The following UBAC2 variants were observed in gnomAD, a reference collection of about 807,000 sequenced individuals.
The protein encoded by UBAC2 is UBA domain containing 2, also known as ubiquitin-associated domain-containing protein 2.
UBAC2 carries 26 observed loss-of-function variants against 44.0 expected under a neutral mutation model. That is an observed-to-expected ratio of 0.59 (90% CI 0.43 to 0.82). UBAC2 has a LOEUF of 0.82. UBAC2 is among the 40% of genes least tolerant of loss of function. The pLI is 0.00. For missense variants in UBAC2, 329 were observed against 419.4 expected, an observed-to-expected ratio of 0.78 and a Z score of 1.88; for synonymous variants, 155 against 154.3, an observed-to-expected ratio of 1.00 and a Z score of -0.04.
At chr13:99,329,011 A>G (rs1242212497) in intron 6 of UBAC2, among the ~76,000 whole-genome samples, 1 of 152,214 alleles carries the variant, frequency 6.6e-6, no homozygotes, top group East Asian at 1.9e-4. Context: ...GGTAAGATTT[A>G]TTCTTTTCCA....
Position 99,363,768 on chromosome 13 carries a change from A to G in UBAC2, c.808-4019A>G, listed in dbSNP as rs16956475. 8.9e-3 allele frequency among the ~76,000 whole-genome samples: 1,354 copies of G among 152,332 alleles called. 15 individuals carry two copies. Among genetic ancestry groups the G allele is most frequent in the African/African-American group, 0.031 (1,282 of 41,554 alleles). On this transcript the variant is annotated intron_variant, in intron 7 of 8. Transcript: ENST00000403766. Reference sequence around the variant, plus strand: ...AAAACTGTTTTTTCCAAAGGGGGAAAATGGATATTGGAAGTGAACCAGCAG... The same window carrying G: ...AAAACTGTTTTTTCCAAAGGGGGAAGATGGATATTGGAAGTGAACCAGCAG...
intron 4 of UBAC2, among the ~76,000 whole-genome samples, chr13:99,275,168 G>C (rs1310793623): frequency 6.6e-6 from 1 of 152,214 alleles, no homozygotes; most frequent in African/African-American, 2.4e-5. Context: ...TTTAAGAGCA[G>C]TTTAGCTGGG....
At chr13:99,343,391 G>A (rs918536761) in intron 7 of UBAC2, among the ~76,000 whole-genome samples, 11 of 151,934 alleles carry the variant, frequency 7.2e-5, no homozygotes, top group African/African-American at 2.4e-4. Context: ...CAGATACTTG[G>A]AACATCACGG....
At chr13:99,344,744 TGCTC>T (rs2044946596) in intron 7 of UBAC2, among the ~76,000 whole-genome samples, 1 of 152,342 alleles carries the variant, frequency 6.6e-6, no homozygotes, top group South Asian at 2.1e-4. Context: ...ATCTGGCAGG[TGCTC>T]GCTGCCACCC....
At chr13:99,234,371 G>C (rs1483976004) in intron 1 of UBAC2, 1 of 304,022 alleles carries the variant, frequency 3.3e-6, no homozygotes, top group African/African-American at 2.3e-5. Flanking sequence ...TGTATTTTTA[G>C]TAGAGATGGG....
intron 7 of UBAC2, among the ~76,000 whole-genome samples, chr13:99,343,419 C>G (rs908498717): frequency 6.6e-5 from 10 of 152,184 alleles, no homozygotes; most frequent in Non-Finnish European, 1.0e-4. Flanking sequence ...CAGGTTGTAC[C>G]CAGGCCTCAG....
At chr13:99,278,467 G>C (rs1247478159) in intron 4 of UBAC2, among the ~76,000 whole-genome samples, 2 of 152,092 alleles carry the variant, frequency 1.3e-5, no homozygotes, top group Non-Finnish European at 2.9e-5. Flanking sequence ...GGTATTGTGG[G>C]CAAAGTTAGC....
intron 7 of UBAC2, among the ~76,000 whole-genome samples, chr13:99,360,381 C>T (rs1048877435): frequency 1.3e-5 from 2 of 152,194 alleles, no homozygotes; most frequent in Non-Finnish European, 2.9e-5. Flanking sequence ...GATTCTCATA[C>T]TCTCCATGTG....
chr13:99,306,269 G>T (rs1415797218), intron 4 of UBAC2, among the ~76,000 whole-genome samples: 1 of 152,160 alleles, frequency 6.6e-6, no homozygotes, highest in Non-Finnish European at 1.5e-5. Context: ...AGTGGCCAGA[G>T]AGATGGGAGA....
chr13:99,272,885 C>T (rs1249314441), intron 4 of UBAC2, among the ~76,000 whole-genome samples: 2 of 151,936 alleles, frequency 1.3e-5, no homozygotes, highest in African/African-American at 2.4e-5. Flanking sequence ...CATTGTGAGT[C>T]TGTGTGTGTA....
intron 5 of UBAC2, among the ~76,000 whole-genome samples, chr13:99,315,166 T>TTA (rs1197779134): frequency 6.6e-6 from 1 of 152,208 alleles, no homozygotes; most frequent in Non-Finnish European, 1.5e-5. Context: ...TGAAATCTTT[T>TTA]TATTCTCCAT....
At chr13:99,224,235 C>T (rs955986132) in intron 1 of UBAC2, among the ~76,000 whole-genome samples, 2 of 152,122 alleles carry the variant, frequency 1.3e-5, no homozygotes, top group Non-Finnish European at 2.9e-5. Flanking sequence ...TTTGTGTGTG[C>T]AAGCATCCCT....
chr13:99,201,032 G>T (rs2042788648), intron 1 of UBAC2, 93 bp downstream of exon 1: 2 of 1,297,020 alleles, frequency 1.5e-6, no homozygotes, highest in Non-Finnish European at 9.9e-7. Context: ...CCTCGGGTTT[G>T]CCGGAGGTGG....
In UBAC2 at chr13:99,318,002, CTT is replaced by C. The variant is rs761864458; in HGVS notation, c.514-11_514-10del. 3.5e-6 allele frequency: 5 copies of C among 1,411,826 alleles called. No individual in the cohort carries two copies. In the Admixed American group the frequency reaches 5.9e-5, roughly 17 times the overall value. The allele number at this position is 1,411,826 out of a possible 1,614,324, so 87.5% of individuals were successfully genotyped here. ...GCAGTTGAATTTTATTTTTAGTTGCCTTTTTTTTTTCTTTTATAGCTTTTCAC... is the reference window on the plus strand; with the variant it reads ...GCAGTTGAATTTTATTTTTAGTTGCCTTTTTTTTCTTTTATAGCTTTTCAC... On this transcript the variant is annotated intron_variant, in intron 5 of 8. Coordinates refer to ENST00000403766, the MANE Select transcript of UBAC2 (RefSeq NM_001144072.2).
chr13:99,201,895 C>A (rs940608149), intron 1 of UBAC2, among the ~76,000 whole-genome samples: 7 of 151,960 alleles, frequency 4.6e-5, no homozygotes, highest in Non-Finnish European at 8.8e-5. Flanking sequence ...CACGGTGAAA[C>A]CCCGTCTCTC....
chr13:99,285,604 C>T (rs1245541990), intron 4 of UBAC2, among the ~76,000 whole-genome samples: 1 of 152,070 alleles, frequency 6.6e-6, no homozygotes, highest in Non-Finnish European at 1.5e-5. Context: ...GTTGCCCAGG[C>T]TGGTCTCAAA....
In UBAC2 at chr13:99,294,109, C is replaced by A. The variant is rs887008798; in HGVS notation, c.390-19988C>A. On this transcript the variant is annotated intron_variant, in intron 4 of 8. Coordinates refer to ENST00000403766, the MANE Select transcript of UBAC2 (RefSeq NM_001144072.2). ...CTTAATTTTGTAAGTTTGCATTTTA[C>A]TCGGATCGTATTTAGCAAGCAGCAG... Among the ~76,000 whole-genome samples the A allele has an allele frequency of 5.3e-5, 8 of 152,220 alleles. No homozygotes were observed. The South Asian group carries it at 1.5e-3, about 28-fold the overall frequency.
At chr13:99,233,179 C>G (rs1244822711) in intron 1 of UBAC2, among the ~76,000 whole-genome samples, 1 of 150,706 alleles carries the variant, frequency 6.6e-6, no homozygotes, top group African/African-American at 2.4e-5. Context: ...GTGGCGTGAT[C>G]TCGGCTCACT....
intron 1 of UBAC2, among the ~76,000 whole-genome samples, chr13:99,220,702 T>A (rs1403300251): frequency 6.6e-6 from 1 of 152,238 alleles, no homozygotes; most frequent in Non-Finnish European, 1.5e-5. Context: ...CTTAACCTTC[T>A]GTTTGATCTC....
Sources: allele counts gnomAD v4.1 joint callset (sites outside exome capture counted in the v4.1 genomes callset), GRCh38; gene constraint gnomAD v4.1.1; transcripts MANE v1.5; gene names NCBI Gene and HGNC (gene_info 2026-07-23, HGNC 2026-07-21).